Variants in PCDH15 observed in about 807,000 individuals in gnomAD.
PCDH15 encodes protocadherin related 15, also known as protocadherin-15.
In PCDH15, 129 loss-of-function variants were observed where a neutral mutation model predicts 178.5. That is an observed-to-expected ratio of 0.72 (90% confidence interval 0.63 to 0.84). PCDH15 has a LOEUF of 0.84. Among genes scored for constraint, PCDH15 ranks in the 40% least tolerant of loss-of-function variants. The pLI is 0.00. For synonymous variants in PCDH15, 800 were observed against 732.0 expected (o/e 1.09, Z -1.50); for missense variants, 2,230 against 2,099.9 (o/e 1.06, Z -1.21).
intron 2 of PCDH15, among the ~76,000 whole-genome samples, chr10:55,457,969 AT>A (rs1839591430): frequency 2.6e-5 from 4 of 152,184 alleles, no homozygotes; most frequent in African/African-American, 9.6e-5. Flanking sequence ...GGCTTATTAG[AT>A]TTCTAGTGAT....
chr10:55,159,470 A>C (rs1360943746), intron 2 of PCDH15, among the ~76,000 whole-genome samples: 1 of 149,252 alleles, frequency 6.7e-6, no homozygotes, highest in East Asian at 2.0e-4. Flanking sequence ...CTCTCTCTCT[A>C]TGTTATGTAC....
chr10:54,874,731 C>A (rs190935185), intron 3 of PCDH15, among the ~76,000 whole-genome samples: 1 of 152,142 alleles, frequency 6.6e-6, no homozygotes, highest in East Asian at 1.9e-4. Flanking sequence ...GAGATAAAAT[C>A]ATTATATAAT....
chr10:55,335,527 G>A (rs758242269), intron 2 of PCDH15, among the ~76,000 whole-genome samples: 3 of 152,116 alleles, frequency 2.0e-5, no homozygotes, highest in Non-Finnish European at 2.9e-5. Context: ...GCTATCAGAG[G>A]TCAGCATGAC....
chr10:55,512,105 G>A (rs1021435550), intron 2 of PCDH15, among the ~76,000 whole-genome samples: 2 of 151,960 alleles, frequency 1.3e-5, no homozygotes, highest in African/African-American at 2.4e-5. Context: ...AAGAGGTGCT[G>A]GAAACGAGAG....
intron 26 of PCDH15, among the ~76,000 whole-genome samples, chr10:53,896,312 C>T (rs897185735): frequency 6.6e-6 from 1 of 152,156 alleles, no homozygotes; most frequent in Non-Finnish European, 1.5e-5. Context: ...TCCTTCTTCA[C>T]ACAAAAAATT....
chr10:54,426,462 G>A (rs1280836835), intron 3 of PCDH15, among the ~76,000 whole-genome samples: 2 of 152,248 alleles, frequency 1.3e-5, no homozygotes, highest in African/African-American at 4.8e-5. Context: ...AGGAGGCAGA[G>A]CTTAGGAGTA....
chr10:55,096,533 T>C (rs1275550983), intron 2 of PCDH15, among the ~76,000 whole-genome samples: 1 of 152,144 alleles, frequency 6.6e-6, no homozygotes, highest in East Asian at 1.9e-4. Context: ...ATTTCAAGTG[T>C]ACAATACATT....
At chr10:54,374,846 A>AT (rs1411791754) in intron 4 of PCDH15, among the ~76,000 whole-genome samples, 1 of 151,950 alleles carries the variant, frequency 6.6e-6, no homozygotes, top group Non-Finnish European at 1.5e-5. Flanking sequence ...AGCGTTGGGT[A>AT]TTTTTATTCT....
At chr10:54,080,187 A>C (rs1446231146) in intron 16 of PCDH15, among the ~76,000 whole-genome samples, 7 of 151,972 alleles carry the variant, frequency 4.6e-5, no homozygotes, top group Non-Finnish European at 1.0e-4. Context: ...ATTCTTTGGA[A>C]ATTTAGCTGT....
rs561746459 is a variant in PCDH15, at chr10:55,204,196, AT to A, written c.-155-37546del. 4.9e-3 allele frequency among the ~76,000 whole-genome samples: 732 copies of A among 149,128 alleles called. 9 individuals carry two copies. The highest frequency in any genetic ancestry group is 0.017 in the African/African-American group (680 of 40,974). ...TTATACTAATATATTTATTTTACAT[AT>A]TTAATATACTCAAGGGTTTTAAATA... On this transcript the variant is annotated intron_variant, in intron 1 of 5. Coordinates refer to the PCDH15 transcript ENST00000458638.
chr10:54,131,713 C>G (rs559355303), intron 15 of PCDH15, among the ~76,000 whole-genome samples: 1 of 152,216 alleles, frequency 6.6e-6, no homozygotes, highest in East Asian at 1.9e-4. Context: ...CAGCAGCTAT[C>G]AGTAATCAGT....
intron 2 of PCDH15, among the ~76,000 whole-genome samples, chr10:54,597,765 A>G (rs2092313285): frequency 6.6e-6 from 1 of 152,044 alleles, no homozygotes; most frequent in African/African-American, 2.4e-5. Flanking sequence ...AAAACAGAGA[A>G]GATCCAAATA....
At chr10:54,786,079 A>G (rs1285906258) in intron 1 of PCDH15, among the ~76,000 whole-genome samples, 1 of 152,022 alleles carries the variant, frequency 6.6e-6, no homozygotes, top group African/African-American at 2.4e-5. Flanking sequence ...GTAATATAAG[A>G]AATTGTACTG....
At chr10:54,867,719 T>C (rs1029829061) in intron 3 of PCDH15, among the ~76,000 whole-genome samples, 11 of 152,158 alleles carry the variant, frequency 7.2e-5, no homozygotes, top group Non-Finnish European at 1.3e-4. Context: ...TACTCCTTCT[T>C]GACCAAACAT....
chr10:55,548,291 A>G (rs1841935802), intron 2 of PCDH15, among the ~76,000 whole-genome samples: 1 of 151,672 alleles, frequency 6.6e-6, no homozygotes, highest in Admixed American at 6.6e-5. Flanking sequence ...TTTATGTCAT[A>G]AAGTTTTGGA....
chr10:53,839,826 T>C (rs1442359347), intron 29 of PCDH15, among the ~76,000 whole-genome samples: 2 of 152,182 alleles, frequency 1.3e-5, no homozygotes, highest in Non-Finnish European at 1.5e-5. Flanking sequence ...ACATAGAGCA[T>C]GAACTTAAAT....
chr10:54,574,822 A>G (rs1488381572), intron 2 of PCDH15, among the ~76,000 whole-genome samples: 1 of 145,950 alleles, frequency 6.9e-6, no homozygotes, highest in African/African-American at 2.5e-5. Flanking sequence ...AGGACTATAA[A>G]TCATGCTGCT....
rs532711555 is a variant in PCDH15 at position 54,070,845 on chromosome 10, G to A, written c.2092-3960C>T. On this transcript the variant is annotated intron_variant, in intron 17 of 37. Transcript: ENST00000644397. The stretch of plus-strand genomic sequence containing the variant: ...AACTTCTCATCTCAATCCCACCTTG[G>A]CCTCTCAAAGTGCTGGGGTTATAGG... 1.1e-4 allele frequency among the ~76,000 whole-genome samples: 16 copies of A among 152,066 alleles called. No individual in the cohort carries two copies. In the South Asian group the frequency reaches 3.3e-3, roughly 32 times the overall value.
At chr10:53,956,101 A>G (rs1272103170) in intron 23 of PCDH15, among the ~76,000 whole-genome samples, 1 of 152,190 alleles carries the variant, frequency 6.6e-6, no homozygotes, top group Non-Finnish European at 1.5e-5. Context: ...TTAATTAATT[A>G]TGCGATTAGT....
Sources: allele counts gnomAD v4.1 joint callset (sites outside exome capture counted in the v4.1 genomes callset), GRCh38; gene constraint gnomAD v4.1.1; transcripts MANE v1.5; gene names NCBI Gene and HGNC (gene_info 2026-07-23, HGNC 2026-07-21).